ERC2: variants seen among roughly 807,000 people sequenced by gnomAD.
ERC2 encodes the protein ERC protein 2.
Under a neutral mutation model 114.8 loss-of-function variants are expected in ERC2, and 42 were observed. The observed-to-expected ratio is 0.37, with a 90% confidence interval of 0.29 to 0.47. The LOEUF is 0.47. Among genes scored for constraint, ERC2 ranks in the 20% least tolerant of loss-of-function variants. ERC2 has a pLI of 0.99. For synonymous variants in ERC2, 454 were observed against 425.5 expected (o/e 1.07, Z -0.82); for missense variants, 939 against 1,150.7 (o/e 0.82, Z 2.66).
intron 17 of ERC2, among the ~76,000 whole-genome samples, chr3:55,570,829 A>G (rs1248276333): frequency 6.6e-6 from 1 of 152,096 alleles, no homozygotes; most frequent in Non-Finnish European, 1.5e-5. Context: ...TTTGACCAGC[A>G]TTAATAATGA....
intron 6 of ERC2, among the ~76,000 whole-genome samples, chr3:56,138,216 C>G (rs574436124): frequency 6.6e-6 from 1 of 152,016 alleles, no homozygotes; most frequent in East Asian, 1.9e-4. Flanking sequence ...CCCGCCACCA[C>G]GCCCAGCTAA....
At chr3:56,071,892 T>C (rs571187830) in intron 7 of ERC2, among the ~76,000 whole-genome samples, 2 of 152,304 alleles carry the variant, frequency 1.3e-5, no homozygotes, top group East Asian at 3.9e-4. Context: ...ATATCATTCA[T>C]TGGAGCAAAA....
chr3:56,056,570 G>GAT (rs2076023289), intron 7 of ERC2, among the ~76,000 whole-genome samples: 3 of 152,108 alleles, frequency 2.0e-5, no homozygotes, highest in Non-Finnish European at 2.9e-5. Flanking sequence ...TATTATGTAT[G>GAT]GGCCTTGTGA....
At chr3:55,855,232 G>A (rs564919754) in intron 14 of ERC2, among the ~76,000 whole-genome samples, 3 of 152,064 alleles carry the variant, frequency 2.0e-5, no homozygotes, top group Non-Finnish European at 2.9e-5. Context: ...TGAAATCTGC[G>A]ATCCTGAGCC....
At chr3:55,966,793 G>A (rs181287093) in intron 12 of ERC2, among the ~76,000 whole-genome samples, 4 of 152,144 alleles carry the variant, frequency 2.6e-5, no homozygotes, top group African/African-American at 9.7e-5. Context: ...GCAGCTGTAA[G>A]ACTGTTTATC....
intron 17 of ERC2, among the ~76,000 whole-genome samples, chr3:55,665,468 T>A (rs1157374976): frequency 6.6e-6 from 1 of 152,192 alleles, no homozygotes; most frequent in Non-Finnish European, 1.5e-5. Flanking sequence ...TCTTGGATCC[T>A]GATCTTAGGT....
At chr3:55,814,513 C>T (rs1201879350) in intron 14 of ERC2, among the ~76,000 whole-genome samples, 2 of 152,158 alleles carry the variant, frequency 1.3e-5, no homozygotes, top group Non-Finnish European at 2.9e-5. Flanking sequence ...TCTACTCTTC[C>T]CTTTCTGTTC....
intron 2 of ERC2, among the ~76,000 whole-genome samples, chr3:56,403,558 G>A (rs952969241): frequency 5.9e-5 from 9 of 152,206 alleles, no homozygotes; most frequent in African/African-American, 1.9e-4. Context: ...CGGACCGGCA[G>A]TATCGGCATC....
At chr3:56,264,865 T>C (rs1335920052) in intron 3 of ERC2, among the ~76,000 whole-genome samples, 1 of 150,436 alleles carries the variant, frequency 6.6e-6, no homozygotes, top group African/African-American at 2.4e-5. Flanking sequence ...GATTTACAAT[T>C]TCAAAAGCAA....
chr3:55,871,425 TC>T (rs2062578355), intron 14 of ERC2, among the ~76,000 whole-genome samples: 1 of 152,182 alleles, frequency 6.6e-6, no homozygotes, highest in Non-Finnish European at 1.5e-5. Flanking sequence ...GTGTTTAATT[TC>T]CCTACAAAGA....
At chr3:55,520,879 C>T (rs1329654643) in intron 17 of ERC2, among the ~76,000 whole-genome samples, 1 of 152,182 alleles carries the variant, frequency 6.6e-6, no homozygotes, top group African/African-American at 2.4e-5. Flanking sequence ...CACAGGAAGA[C>T]ATCTCCCTAA....
intron 6 of ERC2, among the ~76,000 whole-genome samples, chr3:56,123,064 A>T (rs1192677521): frequency 1.3e-5 from 2 of 152,154 alleles, no homozygotes; most frequent in Non-Finnish European, 2.9e-5. Context: ...TTGCCCATTC[A>T]GTTATTCCAC....
chr3:56,292,384 C>T (rs2055144732), intron 3 of ERC2, among the ~76,000 whole-genome samples: 2 of 150,470 alleles, frequency 1.3e-5, no homozygotes, highest in Admixed American at 6.6e-5. Flanking sequence ...AGGAGCCTAG[C>T]CTGGGCAACA....
intron 17 of ERC2, among the ~76,000 whole-genome samples, chr3:55,609,329 G>T (rs1230598642): frequency 3.9e-5 from 6 of 152,174 alleles, no homozygotes; most frequent in African/African-American, 1.4e-4. Context: ...TTAGCTTCCA[G>T]CATTCCTCCC....
At chr3:55,784,754 A>G (rs965936865) in intron 14 of ERC2, among the ~76,000 whole-genome samples, 5 of 152,236 alleles carry the variant, frequency 3.3e-5, no homozygotes, top group Non-Finnish European at 7.3e-5. Flanking sequence ...TTCAATTACC[A>G]TCTACATGAA....
intron 1 of ERC2, among the ~76,000 whole-genome samples, chr3:56,437,859 G>T (rs142881618): frequency 6.6e-6 from 1 of 152,288 alleles, no homozygotes; most frequent in Non-Finnish European, 1.5e-5. Context: ...ATGACATACT[G>T]GTGGCAGGGG....
At chr3:56,103,413 T>C (rs371546314) in intron 6 of ERC2, among the ~76,000 whole-genome samples, 3 of 152,224 alleles carry the variant, frequency 2.0e-5, no homozygotes, top group African/African-American at 7.2e-5. Flanking sequence ...GAGCCAAAAG[T>C]GTCACTCTGT....
chr3:56,348,239 G>A (rs1187852820), intron 2 of ERC2, among the ~76,000 whole-genome samples: 1 of 152,116 alleles, frequency 6.6e-6, no homozygotes, highest in Non-Finnish European at 1.5e-5. Context: ...TGCATCAGGA[G>A]AGCTTTGGGT....
At chr3:55,658,632 C>T (rs1490026534) in intron 17 of ERC2, 2 of 152,670 alleles carry the variant, frequency 1.3e-5, no homozygotes, top group African/African-American at 4.8e-5. Flanking sequence ...TGGCTGTACA[C>T]CATTAGCAGG....
Sources: allele counts gnomAD v4.1 joint callset (sites outside exome capture counted in the v4.1 genomes callset), GRCh38; gene constraint gnomAD v4.1.1; transcripts MANE v1.5; gene names NCBI Gene and HGNC (gene_info 2026-07-23, HGNC 2026-07-21).